Variants in BMP2K observed in about 807,000 individuals in gnomAD.
BMP2K encodes BMP2 inducible kinase.
Under a neutral mutation model 116.0 loss-of-function variants are expected in BMP2K, and 74 were observed. The ratio of observed to expected loss-of-function variants is 0.64; its 90% CI spans 0.53 to 0.77. The LOEUF (loss-of-function observed/expected upper bound fraction) is 0.77, where lower values mean the gene tolerates loss of function less well. Ranked by LOEUF, BMP2K falls within the 30% of genes least tolerant of loss-of-function variation. BMP2K has a pLI of 0.00. For synonymous variants in BMP2K, 486 were observed against 502.5 expected (o/e 0.97, Z 0.44); for missense variants, 1,365 against 1,403.6 (o/e 0.97, Z 0.44).
chr4:78,788,287 G>A (rs1727829509), intron 1 of BMP2K, among the ~76,000 whole-genome samples: 1 of 152,016 alleles, frequency 6.6e-6, no homozygotes, highest in African/African-American at 2.4e-5. Flanking sequence ...GTGCTCAGAT[G>A]TGCATAGGCT....
At chr4:78,777,887 A>G (rs1370741233) in intron 1 of BMP2K, among the ~76,000 whole-genome samples, 4 of 152,232 alleles carry the variant, frequency 2.6e-5, no homozygotes, top group Admixed American at 6.5e-5. Context: ...TGTACATATC[A>G]TTGTTTCGTG....
chr4:78,825,970 A>C, intron 1 of BMP2K, 67 bp from the exon 2 acceptor site: 1 of 1,197,558 alleles, frequency 8.4e-7, no homozygotes, highest in Non-Finnish European at 1.2e-6. Context: ...ATGCTCTATG[A>C]TTATATTACA....
chr4:78,795,248 A>G (rs1282188821), intron 1 of BMP2K, among the ~76,000 whole-genome samples: 1 of 152,210 alleles, frequency 6.6e-6, no homozygotes, highest in Non-Finnish European at 1.5e-5. Flanking sequence ...TTTAAAACGT[A>G]TTCCAGAGAC....
intron 1 of BMP2K, among the ~76,000 whole-genome samples, chr4:78,804,219 A>G (rs1258500091): frequency 6.6e-6 from 1 of 152,166 alleles, no homozygotes; most frequent in African/African-American, 2.4e-5. Flanking sequence ...ATCATATGAT[A>G]ATGTGGCCTC....
At chr4:78,834,845 A>C in intron 3 of BMP2K, among the ~76,000 whole-genome samples, 1 of 152,196 alleles carries the variant, frequency 6.6e-6, no homozygotes, top group East Asian at 1.9e-4. Context: ...GACAATACCT[A>C]CCGTGATGTA....
At chr4:78,850,793 T>A (rs913467314) in intron 6 of BMP2K, 131 bp from the exon 7 acceptor site, 16 of 805,794 alleles carry the variant, frequency 2.0e-5, no homozygotes, top group South Asian at 1.3e-4. Flanking sequence ...TTAATTTTTT[T>A]AAGAAATAAT....
chr4:78,799,874 C>T (rs1261606856), intron 1 of BMP2K, among the ~76,000 whole-genome samples: 1 of 152,058 alleles, frequency 6.6e-6, no homozygotes, highest in Non-Finnish European at 1.5e-5. Flanking sequence ...GTGGTCTGGC[C>T]AAGTTACTGG....
intron 15 of BMP2K, among the ~76,000 whole-genome samples, chr4:78,904,625 A>G (rs1279359233): frequency 6.6e-6 from 1 of 151,984 alleles, no homozygotes; most frequent in Non-Finnish European, 1.5e-5. Flanking sequence ...GTTTCCAGCA[A>G]TCAGACTCAA....
chr4:78,845,186 T>G (rs1444134676), intron 5 of BMP2K, 137 bp downstream of exon 5: 1 of 793,798 alleles, frequency 1.3e-6, no homozygotes, highest in Non-Finnish European at 1.9e-6. Context: ...TAGATGTTGA[T>G]TAATTCATGT....
At chr4:78,801,754 T>A (rs1321501947) in intron 1 of BMP2K, among the ~76,000 whole-genome samples, 1 of 152,236 alleles carries the variant, frequency 6.6e-6, no homozygotes, top group Non-Finnish European at 1.5e-5. Flanking sequence ...GCCTCACCTG[T>A]GTAAGAACCT....
At chr4:78,900,610 CCTTA>C (rs1733948847) in intron 15 of BMP2K, among the ~76,000 whole-genome samples, 1 of 152,174 alleles carries the variant, frequency 6.6e-6, no homozygotes, top group South Asian at 2.1e-4. Flanking sequence ...AGCTGGCCTA[CCTTA>C]CTTTGGCCAC....
At chr4:78,891,581 T>C (rs991577195) in intron 15 of BMP2K, among the ~76,000 whole-genome samples, 15 of 152,344 alleles carry the variant, frequency 9.8e-5, no homozygotes, top group African/African-American at 3.1e-4. Context: ...TTGTCTTTTA[T>C]ATTTGCATCT....
chr4:78,830,199 A>C (rs1221246770), intron 2 of BMP2K, among the ~76,000 whole-genome samples: 1 of 152,136 alleles, frequency 6.6e-6, no homozygotes, highest in Admixed American at 6.6e-5. Flanking sequence ...TTTTTTGTAC[A>C]TTTCCGTCAG....
At chr4:78,829,802 C>CTTCTCTTCTCTTCTCTT (rs1730108775) in intron 2 of BMP2K, among the ~76,000 whole-genome samples, 3 of 119,706 alleles carry the variant, frequency 2.5e-5, no homozygotes, top group African/African-American at 4.3e-5. Flanking sequence ...CTTCTCTTCT[C>CTTCTCTTCTCTTCTCTT]TTCTCTTCTC....
chr4:78,867,533 T>C (rs1174322537), intron 10 of BMP2K, among the ~76,000 whole-genome samples: 1 of 151,838 alleles, frequency 6.6e-6, no homozygotes. Flanking sequence ...TTTCCCCCAA[T>C]AAGTGCATTT....
chr4:78,894,232 C>G (rs111571193), intron 15 of BMP2K, among the ~76,000 whole-genome samples: 4,357 of 152,282 alleles, frequency 0.029, 227 homozygotes, highest in African/African-American at 0.1. Flanking sequence ...TAGCTCCTAA[C>G]AAGAGAGTCA....
chr4:78,874,402 A>G (rs1205836571), intron 13 of BMP2K, among the ~76,000 whole-genome samples: 2 of 152,204 alleles, frequency 1.3e-5, no homozygotes, highest in Non-Finnish European at 2.9e-5. Context: ...AATCTAATAA[A>G]TTTGCTAAGT....
intron 6 of BMP2K, among the ~76,000 whole-genome samples, chr4:78,847,669 G>A (rs1444157806): frequency 6.6e-6 from 1 of 151,496 alleles, no homozygotes; most frequent in Non-Finnish European, 1.5e-5. Flanking sequence ...AAATTGATAT[G>A]AGTAAATGTT....
rs1391266290 is a variant in BMP2K, at chr4:78,913,834, CATT to C, written c.*1808_*1810del. Reference sequence around the variant, plus strand: ...TGTAGCAGAGGCAGACCAAGCATTACATTATTATTTAGAGCTGGACTGCACCAA... The same window carrying C: ...TGTAGCAGAGGCAGACCAAGCATTACATTATTTAGAGCTGGACTGCACCAA... On this transcript the variant is annotated 3_prime_UTR_variant, in exon 16 of 16. Transcript: ENST00000502613. 14 of 151,470 alleles carry C rather than the reference CATT, an allele frequency of 9.2e-5. No individual in the cohort carries two copies. The East Asian group carries it at 2.7e-3, about 29-fold the overall frequency. The allele number at this position is 151,470 out of a possible 1,614,324, so 9.4% of individuals were successfully genotyped here. A position where few individuals can be genotyped will look rare whatever the true frequency, so the allele number is the denominator to read the frequency against.
Sources: allele counts gnomAD v4.1 joint callset (sites outside exome capture counted in the v4.1 genomes callset), GRCh38; gene constraint gnomAD v4.1.1; transcripts MANE v1.5; gene names NCBI Gene and HGNC (gene_info 2026-07-23, HGNC 2026-07-21).